The following EFL1 variants were observed in gnomAD, a reference collection of about 807,000 sequenced individuals.
The protein encoded by EFL1 is elongation factor-like GTPase 1.
Under a neutral mutation model 126.7 loss-of-function variants are expected in EFL1, and 76 were observed. That is an observed-to-expected ratio of 0.60 (90% CI 0.50 to 0.73). The LOEUF (loss-of-function observed/expected upper bound fraction) is 0.73. Ranked by LOEUF, EFL1 falls within the 30% of genes least tolerant of loss-of-function variation. The pLI is 0.00. For missense variants in EFL1, 1,128 were observed against 1,343.2 expected, an observed-to-expected ratio of 0.84 and a Z score of 2.50; for synonymous variants, 410 against 448.4, an observed-to-expected ratio of 0.91 and a Z score of 1.08.
At chr15:82,254,906 G>A (rs183023783) in intron 3 of EFL1, among the ~76,000 whole-genome samples, 87 of 152,318 alleles carry the variant, frequency 5.7e-4, no homozygotes, top group African/African-American at 2.1e-3. Context: ...CAGTACTGAT[G>A]TACTTCAAGG....
At chr15:82,157,226 C>T (rs2073977601) in intron 17 of EFL1, among the ~76,000 whole-genome samples, 1 of 152,100 alleles carries the variant, frequency 6.6e-6, no homozygotes, top group African/African-American at 2.4e-5. Flanking sequence ...CTGCAATAAA[C>T]ATACATTATC....
chr15:82,220,274 G>A, intron 12 of EFL1, 45 bp from the exon 13 acceptor site: 2 of 1,529,410 alleles, frequency 1.3e-6, no homozygotes, highest in Non-Finnish European at 1.8e-6. Context: ...GTTCATCCAA[G>A]TAGGGAAACA....
chr15:82,142,975 C>T (rs1366079410), intron 18 of EFL1, among the ~76,000 whole-genome samples: 7 of 152,100 alleles, frequency 4.6e-5, no homozygotes, highest in Admixed American at 4.6e-4. Context: ...CTTTTATGGC[C>T]CTATGGATTC....
At chr15:82,164,223 G>T (rs1300843015) in intron 15 of EFL1, among the ~76,000 whole-genome samples, 2 of 151,848 alleles carry the variant, frequency 1.3e-5, no homozygotes, top group African/African-American at 4.8e-5. Flanking sequence ...TATTATATCA[G>T]ATTGGGCTAA....
chr15:82,172,925 T>C (rs1215016321), intron 15 of EFL1, among the ~76,000 whole-genome samples: 1 of 152,222 alleles, frequency 6.6e-6, no homozygotes, highest in African/African-American at 2.4e-5. Flanking sequence ...TTTGAAATTA[T>C]GCAGGCAGGC....
intron 14 of EFL1, among the ~76,000 whole-genome samples, chr15:82,216,742 TAA>T (rs1334294755): frequency 6.6e-6 from 1 of 152,116 alleles, no homozygotes; most frequent in Non-Finnish European, 1.5e-5. Context: ...GAAGAAAACA[TAA>T]GAGAGTTTTG....
chr15:82,163,861 T>G lies in EFL1; in HGVS notation c.1874A>C (p.Lys625Thr). 1 of 1,613,792 alleles carries G rather than the reference T, an allele frequency of 6.2e-7. No homozygotes were observed. The highest frequency in any genetic ancestry group is 8.5e-7 in the Non-Finnish European group (1 of 1,179,918). ...AAATAAGGTCATCTTACTTGGATGT[T>G]TTGGTTCAACAGCAACTCTCACAAT... is the stretch of plus-strand genomic sequence containing the variant. The part of the protein sequence containing the change: ...TPIVRVAVEP[K>T]HPSEMPQLVK... The change falls in exon 16 of 20, where the codon AAA (lysine) becomes ACA (threonine). Residue 625 changes from lysine to threonine, a missense_variant. Lys to Thr is a moderately conservative substitution (Grantham distance 78). Transcript: ENST00000268206.
chr15:82,227,041 C>A (rs1393559156), intron 11 of EFL1, among the ~76,000 whole-genome samples: 4 of 152,080 alleles, frequency 2.6e-5, no homozygotes, highest in Non-Finnish European at 5.9e-5. Flanking sequence ...ATTTAATGAA[C>A]CGAAAGTCAA....
At chr15:82,212,613 A>C (rs28627340) in intron 15 of EFL1, among the ~76,000 whole-genome samples, 1,795 of 152,350 alleles carry the variant, frequency 0.012, 30 homozygotes, top group African/African-American at 0.041. Flanking sequence ...CTTCTGGTAG[A>C]CTATCTTTCT....
intron 15 of EFL1, 106 bp from the exon 16 acceptor site, chr15:82,164,090 C>T (rs1206408846): frequency 2.1e-6 from 3 of 1,395,492 alleles, no homozygotes; most frequent in East Asian, 2.4e-5. Flanking sequence ...GAGCCAAATG[C>T]TTCCAAAATG....
chr15:82,141,114 T>C (rs2073782079), intron 18 of EFL1, among the ~76,000 whole-genome samples: 1 of 152,188 alleles, frequency 6.6e-6, no homozygotes, highest in Admixed American at 6.5e-5. Context: ...TAGACCTGTA[T>C]TTCCTGTTTT....
At chr15:82,192,932 C>CTATAA (rs1345633978) in intron 15 of EFL1, among the ~76,000 whole-genome samples, 1 of 152,104 alleles carries the variant, frequency 6.6e-6, no homozygotes, top group Non-Finnish European at 1.5e-5. Flanking sequence ...CTATGGAAGG[C>CTATAA]TATAAGGTGA....
chr15:82,155,334 T>A (rs1296436779), intron 17 of EFL1, among the ~76,000 whole-genome samples: 2 of 151,858 alleles, frequency 1.3e-5, no homozygotes, highest in Non-Finnish European at 2.9e-5. Context: ...AAACACCATC[T>A]CTACTAAAAA....
chr15:82,208,824 G>A (rs148119595), intron 15 of EFL1, among the ~76,000 whole-genome samples: 2,299 of 151,550 alleles, frequency 0.015, 25 homozygotes, highest in East Asian at 0.024. Flanking sequence ...CAATAAATAA[G>A]AGACACCATG....
chr15:82,229,550 A>C (rs2074799491), intron 8 of EFL1, among the ~76,000 whole-genome samples: 2 of 152,142 alleles, frequency 1.3e-5, no homozygotes, highest in African/African-American at 4.8e-5. Context: ...CCCCATCATT[A>C]CTCTTAACAA....
At chr15:82,257,068 AGAACT>A (rs2075073104) in intron 3 of EFL1, among the ~76,000 whole-genome samples, 2 of 152,234 alleles carry the variant, frequency 1.3e-5, no homozygotes, top group African/African-American at 4.8e-5. Context: ...AATGTTTGGC[AGAACT>A]AGAGAGTTAA....
chr15:82,140,520 CTT>C (rs1415329696), intron 18 of EFL1, among the ~76,000 whole-genome samples: 1 of 152,130 alleles, frequency 6.6e-6, no homozygotes, highest in Non-Finnish European at 1.5e-5. Context: ...GCTTCATACT[CTT>C]TGAACAAACT....
At chr15:82,227,676 C>A in intron 10 of EFL1, 104 bp from the exon 11 acceptor site, 1 of 1,493,794 alleles carries the variant, frequency 6.7e-7, no homozygotes, top group South Asian at 1.2e-5. Context: ...TCTGTCCATA[C>A]AGAAAATGCC....
At chr15:82,163,735 C>A in intron 16 of EFL1, 118 bp downstream of exon 16, 1 of 1,252,556 alleles carries the variant, frequency 8.0e-7, no homozygotes, top group Non-Finnish European at 1.1e-6. Context: ...CTACTATAGA[C>A]CTCAATGAAA....
Sources: gnomAD v4.1 joint callset for allele counts (sites outside exome capture counted in the v4.1 genomes callset) on GRCh38, gnomAD v4.1.1 for gene constraint, MANE v1.5 for transcripts, NCBI Gene and HGNC (gene_info 2026-07-23, HGNC 2026-07-21) for gene names.